Variants in TTI2 observed in about 807,000 individuals in gnomAD.
TTI2 encodes TELO2-interacting protein 2.
In TTI2, 26 loss-of-function variants were observed where a neutral mutation model predicts 44.9. The ratio of observed to expected loss-of-function variants is 0.58; its 90% CI spans 0.42 to 0.80. The LOEUF (loss-of-function observed/expected upper bound fraction) is 0.80. Among genes scored for constraint, TTI2 ranks in the 30% least tolerant of loss-of-function variants. The pLI is 0.00. For missense variants in TTI2, 582 were observed against 611.6 expected, an observed-to-expected ratio of 0.95 and a Z score of 0.51; for synonymous variants, 254 against 250.9, an observed-to-expected ratio of 1.01 and a Z score of -0.12.
intron 2 of TTI2, among the ~76,000 whole-genome samples, chr8:33,510,260 G>C (rs1238103091): frequency 6.6e-6 from 1 of 152,174 alleles, no homozygotes; most frequent in African/African-American, 2.4e-5. Flanking sequence ...AAAGGAAATG[G>C]ATTAGTAGTA....
intron 6 of TTI2, among the ~76,000 whole-genome samples, chr8:33,503,214 G>A (rs1809165142): frequency 6.6e-6 from 1 of 151,566 alleles, no homozygotes; most frequent in Non-Finnish European, 1.5e-5. Flanking sequence ...ACTGATACCT[G>A]GTAAAAGAGT....
Position 33,500,654 on chromosome 8 carries a change from G to A in TTI2, c.1260-164C>T, listed in dbSNP as rs559155176. 16 of 754,920 alleles carry A rather than the reference G, an allele frequency of 2.1e-5. 1 individual carries two copies. In the South Asian group the frequency reaches 2.7e-4, roughly 13 times the overall value. 46.8% of individuals were successfully genotyped at this position (754,920 alleles called of 1,614,324 possible). A position where few individuals can be genotyped will look rare whatever the true frequency, so the allele number is the denominator to read the frequency against. ...AAAACAGAACCAAAGACAGCCTCTA[G>A]ATTTCTTACCCTCAAGTCTCCTGTT... is the stretch of plus-strand genomic sequence containing the variant. On this transcript the variant is annotated intron_variant, in intron 6 of 7. Coordinates refer to ENST00000431156, the MANE Select transcript of TTI2 (RefSeq NM_001102401.4).
At chr8:33,502,185 C>G (rs1809107025) in intron 6 of TTI2, among the ~76,000 whole-genome samples, 2 of 152,114 alleles carry the variant, frequency 1.3e-5, no homozygotes, top group Admixed American at 1.3e-4. Context: ...CTTAGGTGAT[C>G]CACCAGCCTT....
intron 4 of TTI2, 90 bp from the exon 5 acceptor site, chr8:33,504,025 G>A (rs540230744): frequency 5.4e-5 from 71 of 1,305,144 alleles, no homozygotes; most frequent in South Asian, 7.4e-5. Context: ...TTAATCTACC[G>A]TCCTTAGGGT....
In TTI2 at chr8:33,498,955, C is replaced by T; in HGVS notation, c.*218G>A. 1 of 589,342 alleles carries T rather than the reference C, an allele frequency of 1.7e-6. No individual in the cohort carries two copies. The highest frequency in any genetic ancestry group is 3.0e-6 in the Non-Finnish European group (1 of 334,866). 36.5% of individuals were successfully genotyped at this position (589,342 alleles called of 1,614,324 possible). On this transcript the variant is annotated 3_prime_UTR_variant, in exon 8 of 8. Coordinates refer to ENST00000431156, the MANE Select transcript of TTI2 (RefSeq NM_001102401.4). Reference sequence around the variant, plus strand: ...TTTTAAATGCTACATTACTTGGTGTCCTTTTTTCTCCCAAACTTTATTTAG... The same window carrying T: ...TTTTAAATGCTACATTACTTGGTGTTCTTTTTTCTCCCAAACTTTATTTAG...
intron 3 of TTI2, among the ~76,000 whole-genome samples, chr8:33,508,645 G>C (rs913172758): frequency 2.7e-5 from 4 of 147,768 alleles, no homozygotes; most frequent in Non-Finnish European, 4.4e-5. Flanking sequence ...AAAAAGGGCA[G>C]GGGGGCAGGG....
intron 2 of TTI2, 124 bp downstream of exon 2, chr8:33,511,843 C>A: frequency 3.5e-6 from 4 of 1,127,680 alleles, no homozygotes; most frequent in Non-Finnish European, 3.8e-6. Context: ...GAGCTGAGAT[C>A]GCAACATTGC....
intron 7 of TTI2, 103 bp from the exon 8 acceptor site, chr8:33,499,380 AAT>A: frequency 1.2e-6 from 1 of 842,740 alleles, no homozygotes; most frequent in South Asian, 1.4e-5. Flanking sequence ...AGGAGGAAAG[AAT>A]GGATGACACT....
chr8:33,503,847 C>G lies in TTI2; in HGVS notation c.1016G>C (p.Cys339Ser). ...KGDGARPTTH[C>S]DEVLRLILTH... ...CAGGATCAGCCGCAGGACCTCATCA[C>G]AATGGGTGGTGGGTCGAGCTCCATC... The change falls in exon 5 of 8, where the codon TGT (cysteine) becomes TCT (serine). Residue 339 changes from cysteine (C) to serine (S), a missense_variant. Cys to Ser is a moderately radical substitution (Grantham distance 112). Coordinates refer to ENST00000431156, the MANE Select transcript of TTI2 (RefSeq NM_001102401.4). 6.2e-7 allele frequency: 1 copy of G among 1,614,178 alleles called. No homozygotes were observed. The highest frequency in any genetic ancestry group is 1.1e-5 in the South Asian group (1 of 91,078).
At chr8:33,510,369 T>G (rs751780282) in intron 2 of TTI2, among the ~76,000 whole-genome samples, 9 of 152,230 alleles carry the variant, frequency 5.9e-5, no homozygotes, top group Non-Finnish European at 8.8e-5. Context: ...ATAATTACTG[T>G]GTAATAGGTA....
At chr8:33,512,840 A>C (rs1809607941) in intron 1 of TTI2, 128 bp from the exon 2 acceptor site, 2 of 398,080 alleles carry the variant, frequency 5.0e-6, no homozygotes, top group Non-Finnish European at 9.1e-6. Context: ...GCGCCACTGC[A>C]CTCCAGCCTG....
chr8:33,508,853 A>G (rs1809402775), intron 3 of TTI2, among the ~76,000 whole-genome samples: 1 of 151,880 alleles, frequency 6.6e-6, no homozygotes, highest in Non-Finnish European at 1.5e-5. Context: ...CTTGAAACTC[A>G]ACTGTAGGCC....
intron 6 of TTI2, among the ~76,000 whole-genome samples, chr8:33,503,145 AAAAC>A (rs1809160678): frequency 7.3e-6 from 1 of 137,212 alleles, no homozygotes; most frequent in Non-Finnish European, 1.6e-5. Context: ...AAAAAAAAAA[AAAAC>A]AAAAAAGATA....
At chr8:33,500,071 A>G (rs1020928439) in intron 7 of TTI2, 6 of 373,544 alleles carry the variant, frequency 1.6e-5, no homozygotes, top group African/African-American at 4.1e-5. Flanking sequence ...GCTTTTGCCC[A>G]TACTGTCTCG....
chr8:33,509,893 GA>G lies in TTI2; in HGVS notation c.686del (p.Phe229SerfsTer13). Reference protein sequence around the residue: ...WKNNPAIKHVFSWTLQQVTRP... With the variant: ...WKNNPAIKHVXSWTLQQVTRP... ...GAGTGACCTGTTGCAGAGTCCATGA[GA>G]AAACATGTTTGATGGCAGGGTTATT... On this transcript the variant is annotated frameshift_variant, in exon 3 of 8. Transcript: ENST00000431156. LOFTEE classifies it high-confidence loss of function. 6.5e-7 allele frequency: 1 copy of G among 1,538,172 alleles called. No individual in the cohort carries two copies. Among genetic ancestry groups the G allele is most frequent in the Non-Finnish European group, 8.8e-7 (1 of 1,135,758 alleles).
At chr8:33,500,207 TA>T in intron 7 of TTI2, 120 bp downstream of exon 7, 2 of 1,191,790 alleles carry the variant, frequency 1.7e-6, no homozygotes, top group Non-Finnish European at 1.2e-6. Context: ...TATGGAGATC[TA>T]AAACCCTCCA....
At chr8:33,505,966 A>T (rs887317249) in intron 4 of TTI2, among the ~76,000 whole-genome samples, 8 of 152,112 alleles carry the variant, frequency 5.3e-5, no homozygotes, top group African/African-American at 1.9e-4. Context: ...TTGCATTTTT[A>T]GTAGAACGGG....
At position 33,512,377 on chromosome 8, in the gene TTI2, C is replaced by T. The variant is rs373093191; in HGVS notation, c.237G>A (p.Pro79=). ...EGTGARLRGM[P]ETLGQVAKAL... ...CTTTTGCTACCTGCCCCAGTGTCTCCGGCATTCCGCGGAGCCGTGCACCAG... is the reference window on the plus strand; with the variant it reads ...CTTTTGCTACCTGCCCCAGTGTCTCTGGCATTCCGCGGAGCCGTGCACCAG... Residue 79 remains proline (P), a synonymous_variant, in exon 2 of 8, where the codon CCG becomes CCA. Transcript: ENST00000431156. 2 of 1,614,068 alleles carry T rather than the reference C, an allele frequency of 1.2e-6. No homozygotes were observed. The highest frequency in any genetic ancestry group is 2.7e-5 in the African/African-American group (2 of 74,922).
intron 6 of TTI2, among the ~76,000 whole-genome samples, chr8:33,503,010 T>C (rs1809149668): frequency 6.7e-6 from 1 of 149,576 alleles, no homozygotes; most frequent in Non-Finnish European, 1.5e-5. Flanking sequence ...GCGCCTGTAA[T>C]CCCAGCTACT....
Sources: gnomAD v4.1 joint callset for allele counts (sites outside exome capture counted in the v4.1 genomes callset) on GRCh38, gnomAD v4.1.1 for gene constraint, MANE v1.5 for transcripts, NCBI Gene and HGNC (gene_info 2026-07-23, HGNC 2026-07-21) for gene names.